CDH13: variants seen among roughly 807,000 people sequenced by gnomAD.
The protein encoded by CDH13 is cadherin 13, also known as cadherin-13.
CDH13 carries 24 observed loss-of-function variants against 63.8 expected under a neutral mutation model. The ratio of observed to expected loss-of-function variants is 0.38; its 90% CI spans 0.27 to 0.53. The LOEUF is 0.53. Among genes scored for constraint, CDH13 ranks in the 20% least tolerant of loss-of-function variants. The pLI, the probability that CDH13 is intolerant of heterozygous loss-of-function variation, is 0.85. For missense variants in CDH13, 1,049 were observed against 903.1 expected (o/e 1.16, Z -2.07); for synonymous variants, 503 against 355.3 (o/e 1.42, Z -4.67).
At chr16:83,411,106 A>T (rs933344499) in intron 6 of CDH13, among the ~76,000 whole-genome samples, 1 of 152,126 alleles carries the variant, frequency 6.6e-6, no homozygotes, top group Non-Finnish European at 1.5e-5. Flanking sequence ...CATCCTCCAG[A>T]CAGATAGGGT....
chr16:83,309,972 A>T (rs1339718034), intron 5 of CDH13, among the ~76,000 whole-genome samples: 1 of 152,196 alleles, frequency 6.6e-6, no homozygotes, highest in Non-Finnish European at 1.5e-5. Flanking sequence ...TGAAAGGGAG[A>T]CAGAGCTTCA....
At chr16:83,427,389 A>T (rs933140324) in intron 6 of CDH13, among the ~76,000 whole-genome samples, 2 of 152,052 alleles carry the variant, frequency 1.3e-5, no homozygotes, top group Non-Finnish European at 2.9e-5. Context: ...CAGCAGTTAG[A>T]GTGATGCAGC....
At chr16:82,700,880 A>G (rs1408722016) in intron 1 of CDH13, among the ~76,000 whole-genome samples, 1 of 149,284 alleles carries the variant, frequency 6.7e-6, no homozygotes, top group Non-Finnish European at 1.5e-5. Context: ...TGATCTCTAA[A>G]TCTACAAAGA....
chr16:83,077,156 T>C (rs1259350691), intron 3 of CDH13, among the ~76,000 whole-genome samples: 2 of 148,468 alleles, frequency 1.3e-5, no homozygotes, highest in African/African-American at 2.5e-5. Context: ...GATTTTCTTT[T>C]TCTTTCTTTT....
chr16:83,486,473 G>A lies in CDH13; in HGVS notation c.782-4G>A, dbSNP rs2306907. 0.23 allele frequency: 363,039 copies of A among 1,609,752 alleles called. 42,708 individuals carry two copies. The highest frequency in any genetic ancestry group is 0.32 in the Admixed American group (19,098 of 59,906). ...TTCCGTGCCTTTCTGTCTTGCCCCG[G>A]TAGGCACCACAGTGATGCGGATGAC... On this transcript the variant is annotated splice_polypyrimidine_tract_variant and splice_region_variant and intron_variant, in intron 6 of 13. Coordinates refer to ENST00000567109, the MANE Select transcript of CDH13 (RefSeq NM_001257.5).
intron 6 of CDH13, among the ~76,000 whole-genome samples, chr16:83,452,374 C>CTAG (rs1304780899): frequency 9.8e-6 from 1 of 102,068 alleles, no homozygotes; most frequent in Non-Finnish European, 2.1e-5. Flanking sequence ...ATATTGATTA[C>CTAG]TTGGTGCCAA....
intron 7 of CDH13, among the ~76,000 whole-genome samples, chr16:83,552,307 G>A (rs2075519408): frequency 6.6e-6 from 1 of 152,182 alleles, no homozygotes; most frequent in South Asian, 2.1e-4. Flanking sequence ...CCAGAACCCA[G>A]CTGCTTATGT....
intron 1 of CDH13, among the ~76,000 whole-genome samples, chr16:82,673,933 A>T (rs548987504): frequency 6.6e-6 from 1 of 152,212 alleles, no homozygotes; most frequent in African/African-American, 2.4e-5. Context: ...CATCTTTAGT[A>T]TGTGAGTTGG....
chr16:82,819,719 C>G (rs577866841), intron 1 of CDH13, among the ~76,000 whole-genome samples: 4 of 152,328 alleles, frequency 2.6e-5, no homozygotes, highest in Non-Finnish European at 4.4e-5. Context: ...CTCCTTTCTT[C>G]TTCAAAATGT....
chr16:83,348,987 C>G (rs1017671859), intron 6 of CDH13, among the ~76,000 whole-genome samples: 7 of 152,180 alleles, frequency 4.6e-5, no homozygotes, highest in Non-Finnish European at 1.0e-4. Flanking sequence ...ATTTTCATGT[C>G]CCCATGTGTT....
intron 3 of CDH13, among the ~76,000 whole-genome samples, chr16:83,035,093 G>A (rs1004346464): frequency 9.3e-5 from 14 of 150,004 alleles, no homozygotes; most frequent in Non-Finnish European, 2.1e-4. Context: ...CTCAAAAAAG[G>A]AAAAAAAAAT....
At chr16:83,449,440 A>T (rs1018908047) in intron 6 of CDH13, among the ~76,000 whole-genome samples, 3 of 152,194 alleles carry the variant, frequency 2.0e-5, no homozygotes, top group Non-Finnish European at 4.4e-5. Flanking sequence ...AGGGCCCCAG[A>T]TCCTGTTCTA....
intron 1 of CDH13, among the ~76,000 whole-genome samples, chr16:82,804,955 T>C (rs2037071200): frequency 6.6e-6 from 1 of 152,226 alleles, no homozygotes; most frequent in African/African-American, 2.4e-5. Context: ...GAATTATTCA[T>C]AGTTATCTAC....
intron 6 of CDH13, among the ~76,000 whole-genome samples, chr16:83,439,235 A>G (rs2072414391): frequency 1.3e-5 from 2 of 152,208 alleles, no homozygotes; most frequent in African/African-American, 4.8e-5. Flanking sequence ...CAAGCAATTT[A>G]CATAGCAATT....
chr16:83,302,264 T>C (rs2089766958), intron 5 of CDH13, among the ~76,000 whole-genome samples: 1 of 152,244 alleles, frequency 6.6e-6, no homozygotes, highest in African/African-American at 2.4e-5. Context: ...TCATCCTTTA[T>C]TGGTTACTTT....
chr16:83,669,521 C>T (rs925340588), intron 8 of CDH13, among the ~76,000 whole-genome samples: 1 of 152,080 alleles, frequency 6.6e-6, no homozygotes, highest in East Asian at 1.9e-4. Flanking sequence ...CCTCAGTATC[C>T]CTTCTCATTC....
At chr16:83,316,813 C>A (rs2090115796) in intron 5 of CDH13, among the ~76,000 whole-genome samples, 1 of 152,194 alleles carries the variant, frequency 6.6e-6, no homozygotes, top group African/African-American at 2.4e-5. Flanking sequence ...ATCACACTGG[C>A]CTAAAACAAC....
chr16:83,360,369 A>G (rs1422805482), intron 6 of CDH13, among the ~76,000 whole-genome samples: 1 of 152,210 alleles, frequency 6.6e-6, no homozygotes, highest in Non-Finnish European at 1.5e-5. Context: ...GGCTCAATAT[A>G]TGGGAGGGGG....
intron 7 of CDH13, among the ~76,000 whole-genome samples, chr16:83,488,158 C>T (rs1412507264): frequency 6.6e-6 from 1 of 152,214 alleles, no homozygotes; most frequent in Non-Finnish European, 1.5e-5. Flanking sequence ...ACAGACACAT[C>T]TCAAGTGCTC....
Sources: allele counts gnomAD v4.1 joint callset (sites outside exome capture counted in the v4.1 genomes callset), GRCh38; gene constraint gnomAD v4.1.1; transcripts MANE v1.5; gene names NCBI Gene and HGNC (gene_info 2026-07-23, HGNC 2026-07-21).